NEB: variants seen among roughly 807,000 people sequenced by gnomAD.
The protein encoded by NEB is nemaline myopathy type 2.
A neutral mutation model predicts 952.2 loss-of-function variants in NEB; 512 were observed. That is an observed-to-expected ratio of 0.54 (90% CI 0.50 to 0.58). NEB has a LOEUF of 0.58. NEB is among the 20% of genes least tolerant of loss of function. NEB has a pLI of 0.00. For synonymous variants in NEB, 2,900 were observed against 3,149.8 expected, an observed-to-expected ratio of 0.92 and a Z score of 2.66; for missense variants, 8,428 against 9,231.1, an observed-to-expected ratio of 0.91 and a Z score of 3.56.
At position 151,656,382 on chromosome 2, in the gene NEB, T is replaced by C. The variant is rs781089810; in HGVS notation, c.6266A>G (p.His2089Arg). 1 of 1,613,688 alleles carries C rather than the reference T, an allele frequency of 6.2e-7. No homozygotes were observed. Among genetic ancestry groups the C allele is most frequent in the Admixed American group, 1.7e-5 (1 of 59,982 alleles). ...RSLEDDPKLV[H>R]SMQVAKMQSD... ...TTGCATCTTAGCCACTTGCATGGAA[T>C]GGACTAATTTGGGATCATCCTCGAG... is the stretch of plus-strand genomic sequence containing the variant. Residue 2089 changes from histidine to arginine, a missense_variant, in exon 49 of 182, where the codon CAT (histidine) becomes CGT (arginine). Transcript: ENST00000397345.
Position 151,677,599 on chromosome 2 carries a change from A to G in NEB, c.3740T>C (p.Val1247Ala), listed in dbSNP as rs753696014. ...FTSIVDSPVM[V>A]QAKQNTKQVS... is the part of the protein sequence containing the mutation. ...TTGCTTCGTGTTCTGTTTTGCCTGGACCATAACTGGGGAGTCCACAATGCT... is the reference window on the plus strand; with the variant it reads ...TTGCTTCGTGTTCTGTTTTGCCTGGGCCATAACTGGGGAGTCCACAATGCT... Residue 1247 changes from valine (V) to alanine (A), a missense_variant, in exon 34 of 182, where the codon GTC becomes GCC. Physicochemically the swap from Val to Ala is moderately conservative, Grantham distance 64 (BLOSUM62 0). Around this residue, in one of 11 missense-constraint regions of NEB, gnomAD observed 2,851 missense variants for 2,791.5 expected, o/e 1.02. Coordinates refer to ENST00000397345, the MANE Select transcript of NEB (RefSeq NM_001164508.2). 5 of 1,613,870 alleles carry G rather than the reference A, an allele frequency of 3.1e-6. No homozygotes were observed. The highest frequency in any genetic ancestry group is 1.7e-6 in the Non-Finnish European group (2 of 1,179,852).
At position 151,569,955 on chromosome 2, in the gene NEB, T is replaced by G. The variant is rs533761507; in HGVS notation, c.17430+126A>C. On this transcript the variant is annotated intron_variant, in intron 109 of 181. Coordinates refer to ENST00000397345, the MANE Select transcript of NEB (RefSeq NM_001164508.2). ...GATTTTGATACCATACTATAAGGTC[T>G]CACTAATATTAAATTCTTGGTGATA... 9 of 944,954 alleles carry G rather than the reference T, an allele frequency of 9.5e-6. No individual in the cohort carries two copies. In the Admixed American group the frequency reaches 2.2e-4, roughly 23 times the overall value. The allele number at this position is 944,954 out of a possible 1,614,324, so 58.5% of individuals were successfully genotyped here.
rs558935171 is a variant in NEB, at chr2:151,529,266, C to T, written c.21679G>A (p.Glu7227Lys). 4 of 1,613,640 alleles carry T rather than the reference C, an allele frequency of 2.5e-6. No individual in the cohort carries two copies. The Admixed American group carries it at 6.7e-5, about 27-fold the overall frequency. Residue 7227 changes from glutamate (E) to lysine (K), a missense_variant, in exon 146 of 182, where the codon GAG becomes AAG. Around this residue, in one of 11 missense-constraint regions of NEB, gnomAD observed 3,374 missense variants for 3,651.5 expected, o/e 0.92. Coordinates refer to ENST00000397345, the MANE Select transcript of NEB (RefSeq NM_001164508.2). ...YQRNKSNCTI[E>K]PDAVHIKAAK... ...GCTTTGATATGAACAGCATCTGGCT[C>T]AATGGTGCAGTTGGATTTATTTCTT...
intron 124 of NEB, among the ~76,000 whole-genome samples, chr2:151,558,226 AAAAC>A (rs2095794189): frequency 6.7e-6 from 1 of 150,292 alleles, no homozygotes; most frequent in African/African-American, 2.4e-5. Context: ...ATACCAGTAA[AAAAC>A]AGAGAGCCAA....
chr2:151,549,743 G>A lies in NEB; in HGVS notation c.19945-3C>T. The A allele has an allele frequency of 6.4e-7, 1 of 1,554,372 alleles. No individual in the cohort carries two copies. Among genetic ancestry groups the A allele is most frequent in the Non-Finnish European group, 8.8e-7 (1 of 1,141,100 alleles). ...CGCAGGCTGGTTTTGTATAGATTCT[G>A]CAGGAATGAGGAAGAGCAGGTTAAA... On this transcript the variant is annotated splice_polypyrimidine_tract_variant and splice_region_variant and intron_variant, in intron 129 of 181. Transcript: ENST00000397345.
intron 167 of NEB, among the ~76,000 whole-genome samples, chr2:151,501,838 A>C (rs2064853050): frequency 6.6e-6 from 1 of 152,180 alleles, no homozygotes; most frequent in Non-Finnish European, 1.5e-5. Context: ...GAAAGAGGAG[A>C]GAGAGAGACA....
intron 84 of NEB, among the ~76,000 whole-genome samples, chr2:151,605,581 T>C (rs113057378): frequency 0.12 from 14,460 of 122,366 alleles, 30 homozygotes; most frequent in African/African-American, 0.23. Context: ...CTTTCCTATG[T>C]TTGGACAACA....
rs80354608 is a variant in NEB at position 151,552,275 on chromosome 2, T to C, written c.19836+397A>G. Among the ~76,000 whole-genome samples the C allele has an allele frequency of 6.9e-3, 1,045 of 152,244 alleles. 17 individuals are homozygous for C. The highest frequency in any genetic ancestry group is 0.024 in the African/African-American group (994 of 41,552). On this transcript the variant is annotated intron_variant, in intron 128 of 181. Coordinates refer to ENST00000397345, the MANE Select transcript of NEB (RefSeq NM_001164508.2). ...GATTAAGTGCTTTTCATAAGCCTTA[T>C]AGATAATGTGTGGTAGAGGTGAGAC...
At position 151,642,798 on chromosome 2, in the gene NEB, T is replaced by C; in HGVS notation, c.8232A>G (p.Leu2744=). The change falls in exon 59 of 182, where the codon TTA becomes TTG. Residue 2744 remains leucine, a synonymous_variant. Coordinates refer to ENST00000397345, the MANE Select transcript of NEB (RefSeq NM_001164508.2). ...VHIMPDTPEV[L]LAKQNKVNYS... is the part of the protein sequence containing the mutation. ...AATTTACTTTGTTTTGTTTAGCTAATAAAACTTCAGGGGTATCTGGCATAA... is the reference window on the plus strand; with the variant it reads ...AATTTACTTTGTTTTGTTTAGCTAACAAAACTTCAGGGGTATCTGGCATAA... The C allele has an allele frequency of 6.2e-7, 1 of 1,612,736 alleles. No homozygotes were observed. The highest frequency in any genetic ancestry group is 2.2e-5 in the East Asian group (1 of 44,806).
At chr2:151,498,809 G>A (rs1575092558) in intron 169 of NEB, among the ~76,000 whole-genome samples, 1 of 151,980 alleles carries the variant, frequency 6.6e-6, no homozygotes, top group Admixed American at 6.5e-5. Context: ...TTCAAAAGAA[G>A]TCAGAGTATT....
chr2:151,610,633 G>C lies in NEB; in HGVS notation c.11911-10C>G, dbSNP rs1267248176. ...CCTTGGTGTAAAGTTTCTAGGGAAG[G>C]GATAATAGACGACAGAAAATAAGAG... On this transcript the variant is annotated splice_polypyrimidine_tract_variant and intron_variant, in intron 79 of 181. Coordinates refer to ENST00000397345, the MANE Select transcript of NEB (RefSeq NM_001164508.2). The C allele has an allele frequency of 6.2e-7, 1 of 1,600,022 alleles. No homozygotes were observed. Among genetic ancestry groups the C allele is most frequent in the Admixed American group, 1.7e-5 (1 of 59,984 alleles).
intron 156 of NEB, among the ~76,000 whole-genome samples, chr2:151,517,576 T>C (rs1467880422): frequency 6.6e-6 from 1 of 152,190 alleles, no homozygotes; most frequent in Non-Finnish European, 1.5e-5. Context: ...AATTTCATCA[T>C]TGTGTGAACA....
chr2:151,645,170 C>A lies in NEB; in HGVS notation c.7537-595G>T, dbSNP rs529207958. Among the ~76,000 whole-genome samples, 20 of 152,268 alleles carry A rather than the reference C, an allele frequency of 1.3e-4. No homozygotes were observed. The East Asian group carries it at 3.7e-3, about 28-fold the overall frequency. On this transcript the variant is annotated intron_variant, in intron 55 of 181. Transcript: ENST00000397345. ...TTGCAAGAATCAGGCAGAAGTAAAACAATAGAGAAATGAAATGGATTATTA... is the reference window on the plus strand; with the variant it reads ...TTGCAAGAATCAGGCAGAAGTAAAAAAATAGAGAAATGAAATGGATTATTA...
At chr2:151,664,906 G>T in intron 42 of NEB, 43 bp from the exon 43 acceptor site, 1 of 1,422,792 alleles carries the variant, frequency 7.0e-7, no homozygotes, top group Non-Finnish European at 9.8e-7. Context: ...AGCAGGACAA[G>T]TTTGACCCAA....
chr2:151,673,794 C>A (rs530783400), intron 36 of NEB, among the ~76,000 whole-genome samples: 1 of 141,440 alleles, frequency 7.1e-6, no homozygotes, highest in East Asian at 2.1e-4. Flanking sequence ...AGTGCAGTGG[C>A]GCAATCTCGG....
At position 151,553,981 on chromosome 2, in the gene NEB, G is replaced by A; in HGVS notation, c.19473C>T (p.His6491=). The change falls in exon 126 of 182, where the codon CAC becomes CAT. Residue 6491 remains histidine (H), a synonymous_variant. Transcript: ENST00000397345. ...SVYEKNKMKI[H]IVPDMVEMVT... Reference sequence around the variant, plus strand: ...CCATCTCTACCATGTCGGGCACGATGTGGATTTTCATCTTGTTCTTTTCAT... The same window carrying A: ...CCATCTCTACCATGTCGGGCACGATATGGATTTTCATCTTGTTCTTTTCAT... 6.2e-7 allele frequency: 1 copy of A among 1,613,858 alleles called. No individual in the cohort carries two copies. The highest frequency in any genetic ancestry group is 8.5e-7 in the Non-Finnish European group (1 of 1,179,780).
At chr2:151,676,381 T>TA (rs1377709336) in intron 34 of NEB, among the ~76,000 whole-genome samples, 1 of 152,240 alleles carries the variant, frequency 6.6e-6, no homozygotes, top group Non-Finnish European at 1.5e-5. Context: ...GACAGCCTTC[T>TA]AATTCATCTT....
At position 151,651,402 on chromosome 2, in the gene NEB, A is replaced by C. The variant is rs574195456; in HGVS notation, c.6916-517T>G. Among the ~76,000 whole-genome samples, 37 of 152,348 alleles carry C rather than the reference A, an allele frequency of 2.4e-4. No individual in the cohort carries two copies. In the South Asian group the frequency reaches 7.7e-3, roughly 32 times the overall value. ...AATGGCAGAAAAATCAGGAAGATAC[A>C]TGACTAAGTAAATACGCCTAATAAT... On this transcript the variant is annotated intron_variant, in intron 52 of 181. Transcript: ENST00000397345.
chr2:151,503,010 A>T, intron 166 of NEB, 125 bp from the exon 167 acceptor site: 1 of 633,060 alleles, frequency 1.6e-6, no homozygotes, highest in Non-Finnish European at 2.7e-6. Context: ...TTTAGTAAGG[A>T]TAATGTTTTT....
Sources: gnomAD v4.1 joint callset for allele counts (sites outside exome capture counted in the v4.1 genomes callset) on GRCh38, gnomAD v4.1.1 for gene constraint, gnomAD v4.1.1 regional missense constraint, MANE v1.5 for transcripts, NCBI Gene and HGNC (gene_info 2026-07-23, HGNC 2026-07-21) for gene names.